Variants in PCDHA11 observed in about 807,000 individuals in gnomAD.
PCDHA11 encodes the protein protocadherin alpha 11, also known as protocadherin alpha-11.
PCDHA11 carries 61 observed loss-of-function variants against 70.3 expected under a neutral mutation model. The ratio of observed to expected loss-of-function variants is 0.87; its 90% CI spans 0.71 to 1.07. PCDHA11 has a LOEUF of 1.07. PCDHA11 is among the 50% of genes least tolerant of loss of function. The probability of loss-of-function intolerance (pLI) is 0.00; values close to 1 mark genes in which losing one functional copy is unlikely to be tolerated. For missense variants in PCDHA11, 1,324 were observed against 1,237.5 expected, an observed-to-expected ratio of 1.07 and a Z score of -1.05; for synonymous variants, 633 against 555.1, an observed-to-expected ratio of 1.14 and a Z score of -1.97.
At chr5:140,872,588 C>G (rs995645358) in intron 1 of PCDHA11, among the ~76,000 whole-genome samples, 4 of 151,876 alleles carry the variant, frequency 2.6e-5, no homozygotes, top group African/African-American at 2.4e-5. Context: ...CATCGTGAGA[C>G]CCCCATCTGA....
chr5:140,883,685 C>T (rs782100865), intron 1 of PCDHA11: 50 of 1,613,734 alleles, frequency 3.1e-5, no homozygotes, highest in Non-Finnish European at 3.7e-5. Context: ...GCCGGGCTGC[C>T]ACATCTTCAC....
In PCDHA11 at chr5:140,888,611, G is replaced by C. The variant is rs1554183538; in HGVS notation, c.2391+17117G>C. Reference sequence around the variant, plus strand: ...CACATTCAGAGCAGCTTTTAGTGTAGCACTAATTCGGCCTTCTATTACAGC... The same window carrying C: ...CACATTCAGAGCAGCTTTTAGTGTACCACTAATTCGGCCTTCTATTACAGC... On this transcript the variant is annotated intron_variant, in intron 1 of 3. Transcript: ENST00000398640. Among the ~76,000 whole-genome samples the C allele has an allele frequency of 2.0e-5, 3 of 152,144 alleles. No homozygotes were observed. In the East Asian group the frequency reaches 5.8e-4, roughly 29 times the overall value.
intron 3 of PCDHA11, among the ~76,000 whole-genome samples, chr5:140,985,796 G>GTGC (rs1245486198): frequency 7.1e-6 from 1 of 140,828 alleles, no homozygotes; most frequent in Non-Finnish European, 1.5e-5. Flanking sequence ...CTGGAGTGCA[G>GTGC]TGGCACGATC....
intron 1 of PCDHA11, among the ~76,000 whole-genome samples, chr5:140,939,155 G>C (rs1279259680): frequency 6.6e-6 from 1 of 152,196 alleles, no homozygotes; most frequent in Non-Finnish European, 1.5e-5. Flanking sequence ...GGTCCTGGCA[G>C]ATTTGTGTCT....
rs782453395 is a variant in PCDHA11 at position 140,875,890 on chromosome 5, G to T, written c.2391+4396G>T. 79 of 1,614,062 alleles carry T rather than the reference G, an allele frequency of 4.9e-5. No homozygotes were observed. Among genetic ancestry groups the T allele is most frequent in the Non-Finnish European group, 5.9e-5 (70 of 1,180,034 alleles). On this transcript the variant is annotated intron_variant, in intron 1 of 3. Coordinates refer to ENST00000398640, the MANE Select transcript of PCDHA11 (RefSeq NM_018902.5). ...GGTGTTCAGAGAAAGGGAACAAAAG[G>T]TACCTGTTTCTGAATCTGCGCCTCT...
intron 1 of PCDHA11, chr5:140,967,414 C>T: frequency 6.2e-7 from 1 of 1,613,156 alleles, no homozygotes; most frequent in African/African-American, 1.3e-5. Context: ...AGGGCCTAGA[C>T]CGGGAGCAGG....
intron 1 of PCDHA11, chr5:140,876,604 G>A: frequency 6.2e-7 from 1 of 1,614,204 alleles, no homozygotes; most frequent in Non-Finnish European, 8.5e-7. Flanking sequence ...GTCGGATCGT[G>A]ACTCTGGAGC....
intron 1 of PCDHA11, chr5:140,875,562 G>A (rs2055601257): frequency 6.2e-7 from 1 of 1,614,120 alleles, no homozygotes; most frequent in Non-Finnish European, 8.5e-7. Context: ...GGAGCGGCCA[G>A]CTCCACTACT....
At chr5:140,983,062 G>A (rs575564004) in intron 3 of PCDHA11, among the ~76,000 whole-genome samples, 2 of 152,168 alleles carry the variant, frequency 1.3e-5, no homozygotes, top group South Asian at 4.2e-4. Context: ...TCGGAACCAA[G>A]GCATTGTTTT....
intron 1 of PCDHA11, among the ~76,000 whole-genome samples, chr5:140,942,621 A>T (rs1038877515): frequency 1.5e-3 from 44 of 29,368 alleles, no homozygotes; most frequent in African/African-American, 6.9e-3. Flanking sequence ...GCCAATTGTA[A>T]AAAAAAAAAT....
At chr5:140,882,633 A>G in intron 1 of PCDHA11, 1 of 1,614,220 alleles carries the variant, frequency 6.2e-7, no homozygotes, top group Non-Finnish European at 8.5e-7. Context: ...GTGGAGGTGA[A>G]GGTGAGGGAC....
chr5:140,922,465 T>G (rs116670359), intron 1 of PCDHA11, among the ~76,000 whole-genome samples: 1 of 152,190 alleles, frequency 6.6e-6, no homozygotes, highest in African/African-American at 2.4e-5. Flanking sequence ...CAACACAAAA[T>G]AGGAGAGAAG....
intron 1 of PCDHA11, among the ~76,000 whole-genome samples, chr5:140,951,337 G>C (rs1346350844): frequency 6.6e-6 from 1 of 151,970 alleles, no homozygotes; most frequent in Non-Finnish European, 1.5e-5. Context: ...CATTCTGTTT[G>C]TGTTAGTCCA....
intron 1 of PCDHA11, among the ~76,000 whole-genome samples, chr5:140,945,224 T>C (rs1563213002): frequency 6.6e-6 from 1 of 152,016 alleles, no homozygotes; most frequent in Non-Finnish European, 1.5e-5. Context: ...ATAAAAATAC[T>C]TAGGAATAAA....
intron 1 of PCDHA11, among the ~76,000 whole-genome samples, chr5:140,922,031 G>T (rs933616833): frequency 6.6e-6 from 1 of 152,010 alleles, no homozygotes; most frequent in African/African-American, 2.4e-5. Context: ...TATAAAAAAT[G>T]TAATTTTCCC....
chr5:140,978,295 A>G (rs1222694864), intron 1 of PCDHA11, among the ~76,000 whole-genome samples: 2 of 152,246 alleles, frequency 1.3e-5, no homozygotes, highest in Non-Finnish European at 2.9e-5. Context: ...GAGGAGGGAA[A>G]GCACTCAGGA....
intron 1 of PCDHA11, chr5:140,883,882 C>T (rs200536915): frequency 6.8e-6 from 11 of 1,613,068 alleles, no homozygotes; most frequent in Middle Eastern, 1.7e-4. Flanking sequence ...TGAGCGCGCG[C>T]GACTCTGGCG....
At chr5:140,980,730 A>G (rs1227353445) in intron 2 of PCDHA11, among the ~76,000 whole-genome samples, 2 of 152,176 alleles carry the variant, frequency 1.3e-5, no homozygotes, top group Non-Finnish European at 2.9e-5. Context: ...CAATTAAGAT[A>G]TTATGAGATT....
intron 2 of PCDHA11, chr5:140,982,259 G>A (rs2153828072): frequency 2.4e-6 from 2 of 820,856 alleles, no homozygotes; most frequent in South Asian, 4.9e-5. Context: ...GAACATGTGT[G>A]TTCCTGGAAT....
Sources: allele counts gnomAD v4.1 joint callset (sites outside exome capture counted in the v4.1 genomes callset), GRCh38; gene constraint gnomAD v4.1.1; transcripts MANE v1.5; gene names NCBI Gene and HGNC (gene_info 2026-07-23, HGNC 2026-07-21).